Variants in MYH10 observed in about 807,000 individuals in gnomAD.
MYH10 encodes the protein myosin-10.
A neutral mutation model predicts 257.8 loss-of-function variants in MYH10; 55 were observed. The ratio of observed to expected loss-of-function variants is 0.21; its 90% CI spans 0.17 to 0.27. The LOEUF (loss-of-function observed/expected upper bound fraction) is 0.27. Ranked by LOEUF, MYH10 falls within the 10% of genes least tolerant of loss-of-function variation. The pLI, the probability that MYH10 is intolerant of heterozygous loss-of-function variation, is 1.00. For synonymous variants in MYH10, 854 were observed against 921.7 expected, an observed-to-expected ratio of 0.93 and a Z score of 1.33; for missense variants, 1,631 against 2,500.6, an observed-to-expected ratio of 0.65 and a Z score of 7.42.
At chr17:8,503,790 T>C (rs1400965623) in intron 28 of MYH10, among the ~76,000 whole-genome samples, 1 of 152,214 alleles carries the variant, frequency 6.6e-6, no homozygotes, top group Non-Finnish European at 1.5e-5. Context: ...CCCAGGGTGA[T>C]GGGCTATCCT....
Position 8,552,007 on chromosome 17 carries a change from TC to T in MYH10, c.919+38del. ...CTCAAAAAAAAATTAAAAGAGATAT[TC>T]CAGTGAATATAAAATAGTAAAAACC... is the stretch of plus-strand genomic sequence containing the variant. On this transcript the variant is annotated intron_variant, in intron 9 of 42. Coordinates refer to ENST00000360416, the MANE Select transcript of MYH10 (RefSeq NM_001256012.3). The surrounding 1 kb of genome is among the most constrained non-coding windows in gnomAD (Gnocchi z 4.8). 8.6e-7 allele frequency: 1 copy of T among 1,157,706 alleles called. No individual in the cohort carries two copies. Among genetic ancestry groups the T allele is most frequent in the Non-Finnish European group, 1.2e-6 (1 of 838,570 alleles). The allele number at this position is 1,157,706 out of a possible 1,614,324, so 71.7% of individuals were successfully genotyped here. A position where few individuals can be genotyped will look rare whatever the true frequency, so the allele number is the denominator to read the frequency against.
chr17:8,553,914 T>C (rs1375972333), intron 8 of MYH10, 41 bp downstream of exon 8: 1 of 1,533,370 alleles, frequency 6.5e-7, no homozygotes, highest in Non-Finnish European at 9.0e-7. Flanking sequence ...GAAGACTAAA[T>C]CCTTCTTTAT....
chr17:8,587,163 C>T (rs1342407326), intron 4 of MYH10, among the ~76,000 whole-genome samples: 1 of 152,122 alleles, frequency 6.6e-6, no homozygotes, highest in Admixed American at 6.5e-5. Flanking sequence ...AACAGTCAGC[C>T]AGCCATCCCA....
At position 8,552,206 on chromosome 17, in the gene MYH10, C is replaced by T; in HGVS notation, c.821-62G>A. Reference sequence around the variant, plus strand: ...TAATTCTTAAATAAATAAAGGCCCTCTTTCAGCGTCTGTAAATTTAAATCA... The same window carrying T: ...TAATTCTTAAATAAATAAAGGCCCTTTTTCAGCGTCTGTAAATTTAAATCA... On this transcript the variant is annotated intron_variant, in intron 8 of 42. Transcript: ENST00000360416. This position sits in a 1 kb window ranked among gnomAD's most constrained non-coding sequence, Gnocchi z 4.8. The T allele has an allele frequency of 1.3e-6, 1 of 752,044 alleles. No individual in the cohort carries two copies. Among genetic ancestry groups the T allele is most frequent in the Non-Finnish European group, 2.0e-6 (1 of 504,234 alleles). The allele number at this position is 752,044 out of a possible 1,614,324, so 46.6% of individuals were successfully genotyped here. A position where few individuals can be genotyped will look rare whatever the true frequency, so the allele number is the denominator to read the frequency against.
rs981741361 is a variant in MYH10, at chr17:8,477,985, A to G, written c.5706+353T>C. 6.6e-6 allele frequency among the ~76,000 whole-genome samples: 1 copy of G among 152,182 alleles called. No individual in the cohort carries two copies. Among genetic ancestry groups the G allele is most frequent in the East Asian group, 1.9e-4 (1 of 5,200 alleles). On this transcript the variant is annotated intron_variant, in intron 41 of 42. Transcript: ENST00000360416. This position sits in a 1 kb window ranked among gnomAD's most constrained non-coding sequence, Gnocchi z 4.2. ...TATCTCCTGTGCCCACCCTACACCC[A>G]GCCAGTATCTCATGACTGCCAGCAA...
At chr17:8,557,096 T>G (rs879049786) in intron 7 of MYH10, among the ~76,000 whole-genome samples, 1 of 152,162 alleles carries the variant, frequency 6.6e-6, no homozygotes. Context: ...TCCAGTGTAT[T>G]AATATTTACC....
In MYH10 at chr17:8,604,893, C is replaced by T. The variant is rs776611029; in HGVS notation, c.435G>A (p.Lys145=). The change falls in exon 3 of 43, where the codon AAG becomes AAA. Residue 145 remains lysine (K), a synonymous_variant. Coordinates refer to ENST00000360416, the MANE Select transcript of MYH10 (RefSeq NM_001256012.3). Reference sequence around the variant, plus strand: ...TGTGTGGAGGCATCTCATGACGCTTCTTCCCTCTGTACATTTCAATAATAT... The same window carrying T: ...TGTGTGGAGGCATCTCATGACGCTTTTTCCCTCTGTACATTTCAATAATAT... ...SENIIEMYRG[K]KRHEMPPHIY... is the part of the protein sequence containing the mutation. The T allele has an allele frequency of 6.2e-7, 1 of 1,606,044 alleles. No homozygotes were observed. The highest frequency in any genetic ancestry group is 1.7e-5 in the Admixed American group (1 of 59,676).
intron 36 of MYH10, 115 bp downstream of exon 36, chr17:8,487,318 C>G: frequency 1.6e-6 from 2 of 1,283,210 alleles, no homozygotes; most frequent in Admixed American, 1.9e-5. Flanking sequence ...TGCTGCCCCA[C>G]CCCCGGCCAC....
Position 8,500,864 on chromosome 17 carries a change from G to A in MYH10, c.3706C>T (p.Leu1236=). The change falls in exon 29 of 43, where the codon CTG becomes TTG. Residue 1236 remains leucine (L), a synonymous_variant. Coordinates refer to ENST00000360416, the MANE Select transcript of MYH10 (RefSeq NM_001256012.3). ...QDMRQRHATA[L]EELSEQLEQA... ...TCCAGCTGCTCTGAGAGCTCCTCCA[G>A]GGCTGTTGCGTGTCTTTGTCTCATG... 1.2e-6 allele frequency: 2 copies of A among 1,613,906 alleles called. No homozygotes were observed. Among genetic ancestry groups the A allele is most frequent in the Non-Finnish European group, 1.7e-6 (2 of 1,180,028 alleles).
At chr17:8,483,348 C>T (rs4791710) in intron 37 of MYH10, among the ~76,000 whole-genome samples, 62,961 of 151,928 alleles carry the variant, frequency 0.41, 13,020 homozygotes, top group South Asian at 0.45. Context: ...GACAGCAGGA[C>T]GAAAACCTCT....
rs1433980261 is a variant in MYH10, at chr17:8,506,761, T to G, written c.3215-272A>C. Among the ~76,000 whole-genome samples, 1 of 152,066 alleles carries G rather than the reference T, an allele frequency of 6.6e-6. No individual in the cohort carries two copies. The highest frequency in any genetic ancestry group is 1.5e-5 in the Non-Finnish European group (1 of 68,010). On this transcript the variant is annotated intron_variant, in intron 26 of 42. Coordinates refer to ENST00000360416, the MANE Select transcript of MYH10 (RefSeq NM_001256012.3). The surrounding 1 kb of genome is among the most constrained non-coding windows in gnomAD (Gnocchi z 5.0). Reference sequence around the variant, plus strand: ...TTTCATGGGAGGTGAGACCACACTGTGAGAGCCGAAGGGAGCTGGAATCCT... The same window carrying G: ...TTTCATGGGAGGTGAGACCACACTGGGAGAGCCGAAGGGAGCTGGAATCCT...
chr17:8,623,426 A>C (rs1364386651), intron 1 of MYH10, 149 bp from the exon 2 acceptor site: 11 of 631,268 alleles, frequency 1.7e-5, no homozygotes, highest in Admixed American at 1.3e-4. Context: ...ATACTAACCG[A>C]GTTTCCAAGG....
In MYH10 at chr17:8,595,822, T is replaced by C. The variant is rs562411155; in HGVS notation, c.503-6714A>G. Among the ~76,000 whole-genome samples the C allele has an allele frequency of 5.3e-5, 8 of 152,270 alleles. No homozygotes were observed. In the East Asian group the frequency reaches 1.5e-3, roughly 29 times the overall value. ...GAGGAGGGATAGTTCCTACTGTCTA[T>C]ATCTCTACATCAGAAGATTCAATAC... On this transcript the variant is annotated intron_variant, in intron 3 of 42. Transcript: ENST00000360416.
rs1222240418 is a variant in MYH10, at chr17:8,499,310, C to A, written c.3911G>T (p.Arg1304Met). 3.1e-6 allele frequency: 5 copies of A among 1,614,144 alleles called. No individual in the cohort carries two copies. The highest frequency in any genetic ancestry group is 4.2e-6 in the Non-Finnish European group (5 of 1,180,038). Residue 1304 changes from arginine to methionine, a missense_variant, in exon 30 of 43, where the codon AGG (arginine) becomes ATG (methionine). Arg to Met is a moderately conservative substitution (Grantham distance 91). This residue lies in a region of MYH10 where 463 missense variants were observed against 621.8 expected (regional missense o/e 0.74). Transcript: ENST00000360416. ...TTTCTCCGCCAGCTCCACCCTGAGC[C>A]TGTCGCCTTCAGAGACCTTGGCATG... is the stretch of plus-strand genomic sequence containing the variant. ...ELHAKVSEGDRLRVELAEKAS... is the reference protein window; with the variant it reads ...ELHAKVSEGDMLRVELAEKAS...
chr17:8,538,761 G>A (rs1055357588), intron 14 of MYH10, among the ~76,000 whole-genome samples: 17 of 152,216 alleles, frequency 1.1e-4, no homozygotes, highest in African/African-American at 4.1e-4. Flanking sequence ...CTCATTGCCC[G>A]TCAGTGTCTG....
At chr17:8,499,213 G>A in intron 30 of MYH10, 57 bp downstream of exon 30, 3 of 1,544,260 alleles carry the variant, frequency 1.9e-6, no homozygotes, top group Non-Finnish European at 1.8e-6. Flanking sequence ...GGGATACAAT[G>A]GTAAATTAGG....
At chr17:8,578,523 T>G (rs2083586038) in intron 4 of MYH10, among the ~76,000 whole-genome samples, 2 of 152,178 alleles carry the variant, frequency 1.3e-5, no homozygotes, top group South Asian at 2.1e-4. Context: ...TTTTAATCCT[T>G]GTAACTTTTT....
In MYH10 at chr17:8,475,802, CTT is replaced by C. The variant is rs780922507; in HGVS notation, c.6024_*1del. On this transcript the variant is annotated stop_retained_variant and 3_prime_UTR_variant, in exon 43 of 43. Transcript: ENST00000360416. ...TATTGCCTCCTCTGGCTTCCTGCAA[CTT>C]TACTCTGACTGGGGTGGCTGCGTCT... The C allele has an allele frequency of 2.5e-6, 4 of 1,613,836 alleles. No individual in the cohort carries two copies. The highest frequency in any genetic ancestry group is 3.4e-6 in the Non-Finnish European group (4 of 1,179,824).
Position 8,535,944 on chromosome 17 carries a change from G to C in MYH10, c.1606-13C>G. On this transcript the variant is annotated splice_polypyrimidine_tract_variant and intron_variant, in intron 14 of 42. Coordinates refer to ENST00000360416, the MANE Select transcript of MYH10 (RefSeq NM_001256012.3). The surrounding 1 kb of genome is among the most constrained non-coding windows in gnomAD (Gnocchi z 4.3). ...CAGGAGGGTTCGCCTGATAATGACA[G>C]GCAATAAGAATTCACAAGTTTTGCA... is the stretch of plus-strand genomic sequence containing the variant. The C allele has an allele frequency of 6.2e-7, 1 of 1,606,066 alleles. No individual in the cohort carries two copies.
Sources: gnomAD v4.1 joint callset for allele counts (sites outside exome capture counted in the v4.1 genomes callset) on GRCh38, gnomAD v4.1.1 for gene constraint, gnomAD v4.1.1 regional missense constraint, Gnocchi (gnomAD v3.1) non-coding constraint, MANE v1.5 for transcripts, NCBI Gene and HGNC (gene_info 2026-07-23, HGNC 2026-07-21) for gene names.